Variants in LITAF observed in about 807,000 individuals in gnomAD.
The protein encoded by LITAF is lipopolysaccharide induced TNF factor.
A neutral mutation model predicts 14.5 loss-of-function variants in LITAF; 9 were observed. That is an observed-to-expected ratio of 0.62 (90% CI 0.37 to 1.08). LITAF has a LOEUF of 1.08. Ranked by LOEUF, LITAF falls within the 50% of genes least tolerant of loss-of-function variation. The pLI, the probability that LITAF is intolerant of heterozygous loss-of-function variation, is 0.01. For missense variants in LITAF, 206 were observed against 213.4 expected, an observed-to-expected ratio of 0.97 and a Z score of 0.22; for synonymous variants, 98 against 88.2, an observed-to-expected ratio of 1.11 and a Z score of -0.62.
At chr16:11,581,845 G>A (rs980729153) in intron 1 of LITAF, among the ~76,000 whole-genome samples, 12 of 152,134 alleles carry the variant, frequency 7.9e-5, no homozygotes, top group Non-Finnish European at 1.6e-4. Context: ...CACTCCCCTC[G>A]AAAGGTATTT....
upstream of LITAF, among the ~76,000 whole-genome samples, chr16:11,589,923 C>CAA (rs2064838117): frequency 1.1e-3 from 122 of 114,282 alleles, no homozygotes; most frequent in African/African-American, 1.8e-3. Context: ...CACACCCAGC[C>CAA]AGTTGCATTT....
At chr16:11,565,323 T>A (rs1208958853) in intron 1 of LITAF, among the ~76,000 whole-genome samples, 1 of 151,912 alleles carries the variant, frequency 6.6e-6, no homozygotes, top group African/African-American at 2.4e-5. Context: ...CCTCAAGTGA[T>A]CCACCTGCCT....
At chr16:11,551,970 A>G (rs377243332) in intron 3 of LITAF, among the ~76,000 whole-genome samples, 10 of 152,068 alleles carry the variant, frequency 6.6e-5, no homozygotes, top group African/African-American at 2.2e-4. Flanking sequence ...ACAACAGCAG[A>G]GTCCTGTGGG....
intron 3 of LITAF, among the ~76,000 whole-genome samples, chr16:11,603,947 T>TGAGGCAGGAGAATGGCATGAACCTG (rs1453155881): frequency 2.0e-5 from 3 of 152,262 alleles, no homozygotes; most frequent in Admixed American, 1.3e-4. Context: ...CTCAGGAGGC[T>TGAGGCAGGAGAATGGCATGAACCTG]GAGGCAGGAG....
intron 3 of LITAF, among the ~76,000 whole-genome samples, chr16:11,630,478 C>A (rs2065111239): frequency 6.6e-6 from 1 of 152,176 alleles, no homozygotes; most frequent in African/African-American, 2.4e-5. Flanking sequence ...TCCTCCTGTG[C>A]CCCGCCTGCT....
At chr16:11,612,903 C>T (rs1315445542) in intron 3 of LITAF, among the ~76,000 whole-genome samples, 6 of 152,192 alleles carry the variant, frequency 3.9e-5, no homozygotes, top group African/African-American at 1.2e-4. Flanking sequence ...ACCCTGTGTC[C>T]CCCTAGAATC....
At chr16:11,637,918 ATCTATATC>A (rs1567270820), upstream of LITAF, among the ~76,000 whole-genome samples, 2 of 65,534 alleles carry the variant, frequency 3.1e-5, no homozygotes, top group African/African-American at 1.7e-4. Context: ...ATATATCTAT[ATCTATATC>A]TATATCTATA....
intron 1 of LITAF, among the ~76,000 whole-genome samples, chr16:11,594,254 T>C (rs926748042): frequency 3.9e-5 from 6 of 152,082 alleles, no homozygotes; most frequent in Admixed American, 1.3e-4. Context: ...CAATGAATTG[T>C]ACAGTTTAAA....
At chr16:11,588,278 T>C (rs1299578558), upstream of LITAF, among the ~76,000 whole-genome samples, 1 of 152,128 alleles carries the variant, frequency 6.6e-6, no homozygotes, top group African/African-American at 2.4e-5. Context: ...GAGGATCTCT[T>C]GAGCCCAGGA....
chr16:11,559,402 T>C lies in LITAF; in HGVS notation c.-5-2667A>G, dbSNP rs578162816. Among the ~76,000 whole-genome samples, 17 of 152,302 alleles carry C rather than the reference T, an allele frequency of 1.1e-4. No homozygotes were observed. In the South Asian group the frequency reaches 3.5e-3, roughly 32 times the overall value. Reference sequence around the variant, plus strand: ...ATGTGAAAACTAACAATTCAATTATTGGGAAGCTTTTATGTAAGTCTGGGA... The same window carrying C: ...ATGTGAAAACTAACAATTCAATTATCGGGAAGCTTTTATGTAAGTCTGGGA... On this transcript the variant is annotated intron_variant, in intron 1 of 3. Coordinates refer to ENST00000622633, the MANE Select transcript of LITAF (RefSeq NM_001136472.2).
chr16:11,627,612 G>A (rs1289015689), intron 3 of LITAF, among the ~76,000 whole-genome samples: 1 of 152,244 alleles, frequency 6.6e-6, no homozygotes, highest in Admixed American at 6.5e-5. Flanking sequence ...GGAAGGCCGA[G>A]GTGGGCAGAT....
At chr16:11,563,883 C>T (rs1009218350) in intron 1 of LITAF, among the ~76,000 whole-genome samples, 2 of 151,910 alleles carry the variant, frequency 1.3e-5, no homozygotes, top group Non-Finnish European at 2.9e-5. Flanking sequence ...GCTTGTCAAC[C>T]CAGACAGCAT....
Position 11,572,652 on chromosome 16 carries a change from T to C in LITAF, c.-6+14234A>G, listed in dbSNP as rs1328145198. On this transcript the variant is annotated intron_variant, in intron 1 of 3. Coordinates refer to ENST00000622633, the MANE Select transcript of LITAF (RefSeq NM_001136472.2). ...GCATCAGGCCAGCACTCCTCAAAAC[T>C]GTCAAAGTCACGGAAAACAGGAAAG... Among the ~76,000 whole-genome samples the C allele has an allele frequency of 2.6e-5, 4 of 152,034 alleles. No homozygotes were observed. In the East Asian group the frequency reaches 7.7e-4, roughly 29 times the overall value.
intron 3 of LITAF, among the ~76,000 whole-genome samples, chr16:11,603,872 A>G (rs1159505802): frequency 1.3e-5 from 2 of 151,276 alleles, no homozygotes; most frequent in Non-Finnish European, 2.9e-5. Context: ...GTGAAACCCC[A>G]TCTCTACTAA....
intron 3 of LITAF, among the ~76,000 whole-genome samples, chr16:11,615,300 G>T (rs1169359322): frequency 6.6e-6 from 1 of 152,194 alleles, no homozygotes; most frequent in Admixed American, 6.5e-5. Context: ...ACCTTGGGAG[G>T]CTGAGGCAGG....
chr16:11,631,157 A>G (rs547486681), intron 3 of LITAF, among the ~76,000 whole-genome samples: 34 of 152,340 alleles, frequency 2.2e-4, no homozygotes, highest in African/African-American at 7.7e-4. Flanking sequence ...AGTGCACTGC[A>G]GGAGAAGCTG....
intron 1 of LITAF, among the ~76,000 whole-genome samples, chr16:11,571,820 A>G (rs921727014): frequency 5.9e-5 from 9 of 151,928 alleles, no homozygotes; most frequent in African/African-American, 2.2e-4. Context: ...TAATCTTTCC[A>G]AGCACGGTGG....
chr16:11,605,134 CCTCTCT>C lies in LITAF; in HGVS notation c.85+28393_85+28398del, dbSNP rs139959574. Among the ~76,000 whole-genome samples, 2 of 150,074 alleles carry C rather than the reference CCTCTCT, an allele frequency of 1.3e-5. No individual in the cohort carries two copies. The highest frequency in any genetic ancestry group is 3.9e-4 in the East Asian group (2 of 5,158). On this transcript the variant is annotated intron_variant, in intron 3 of 3. Transcript: ENST00000574848. This position sits in a 1 kb window ranked among gnomAD's most constrained non-coding sequence, Gnocchi z 4.7. The stretch of plus-strand genomic sequence containing the variant: ...TCCCAGGAACAGGAATGTGTCCTTT[CCTCTCT>C]CTCTCTCTCTCTCCACTGTGCAAAC...
intron 1 of LITAF, among the ~76,000 whole-genome samples, chr16:11,594,734 G>A (rs1241934937): frequency 6.6e-6 from 1 of 151,940 alleles, no homozygotes; most frequent in Non-Finnish European, 1.5e-5. Flanking sequence ...AAATTAGCCG[G>A]GCATGGTGGC....
Sources: gnomAD v4.1 joint callset for allele counts (sites outside exome capture counted in the v4.1 genomes callset) on GRCh38, gnomAD v4.1.1 for gene constraint, Gnocchi (gnomAD v3.1) non-coding constraint, MANE v1.5 for transcripts, NCBI Gene and HGNC (gene_info 2026-07-23, HGNC 2026-07-21) for gene names.